Variants in PRKCA observed in about 807,000 individuals in gnomAD.
PRKCA encodes the protein protein kinase C alpha type.
A neutral mutation model predicts 87.0 loss-of-function variants in PRKCA; 27 were observed. That is an observed-to-expected ratio of 0.31 (90% confidence interval 0.23 to 0.43). PRKCA has a LOEUF of 0.43. Among genes scored for constraint, PRKCA ranks in the 20% least tolerant of loss-of-function variants. The pLI is 1.00. For synonymous variants in PRKCA, 329 were observed against 311.1 expected, an observed-to-expected ratio of 1.06 and a Z score of -0.61; for missense variants, 518 against 852.3, an observed-to-expected ratio of 0.61 and a Z score of 4.88.
intron 2 of PRKCA, among the ~76,000 whole-genome samples, chr17:66,347,885 C>T (rs1360225007): frequency 6.7e-6 from 1 of 149,212 alleles, no homozygotes; most frequent in Non-Finnish European, 1.5e-5. Context: ...CAGCCCTCAT[C>T]CCTGGAGTGT....
chr17:66,493,297 T>TTG (rs61513917), intron 2 of PRKCA, among the ~76,000 whole-genome samples: 11,874 of 143,058 alleles, frequency 0.083, 951 homozygotes, highest in African/African-American at 0.22. Context: ...GTAGGTATAT[T>TTG]TGTGTGTGTG....
At chr17:66,738,953 CTG>C in intron 11 of PRKCA, 98 bp downstream of exon 11, 1 of 935,852 alleles carries the variant, frequency 1.1e-6, no homozygotes, top group East Asian at 2.7e-5. Context: ...GGGTCTCACT[CTG>C]TCACTCAGGC....
At chr17:66,688,521 GGCT>G in intron 7 of PRKCA, 85 bp downstream of exon 7, 1 of 1,540,934 alleles carries the variant, frequency 6.5e-7, no homozygotes. Flanking sequence ...TGTCAGTTGA[GGCT>G]GGACATGGTG....
chr17:66,772,974 G>A (rs1310798386), intron 13 of PRKCA, among the ~76,000 whole-genome samples: 1 of 151,754 alleles, frequency 6.6e-6, no homozygotes, highest in Non-Finnish European at 1.5e-5. Flanking sequence ...TAACTGATAA[G>A]CACACTTTAA....
At chr17:66,794,004 G>C (rs1975606398) in intron 16 of PRKCA, among the ~76,000 whole-genome samples, 1 of 152,158 alleles carries the variant, frequency 6.6e-6, no homozygotes, top group Admixed American at 6.5e-5. Flanking sequence ...GGAGCATAAG[G>C]TTAATTGATT....
At chr17:66,306,590 A>C (rs1904828873) in intron 2 of PRKCA, among the ~76,000 whole-genome samples, 1 of 152,158 alleles carries the variant, frequency 6.6e-6, no homozygotes, top group South Asian at 2.1e-4. Context: ...CATCGAGAAC[A>C]AAGTTTGCAT....
chr17:66,576,964 T>G (rs1969258138), intron 3 of PRKCA, among the ~76,000 whole-genome samples: 1 of 148,560 alleles, frequency 6.7e-6, no homozygotes, highest in African/African-American at 2.5e-5. Context: ...AGCCTCCACC[T>G]CCCGGGCTCA....
intron 5 of PRKCA, among the ~76,000 whole-genome samples, chr17:66,649,390 G>A (rs1283054243): frequency 6.6e-6 from 1 of 152,198 alleles, no homozygotes; most frequent in Non-Finnish European, 1.5e-5. Context: ...TATATTTATT[G>A]TTCATAGGAC....
chr17:66,304,147 G>T (rs755668138), intron 1 of PRKCA, among the ~76,000 whole-genome samples: 2 of 152,194 alleles, frequency 1.3e-5, no homozygotes, highest in East Asian at 3.8e-4. Context: ...TCTTAACTCG[G>T]AGGGTCCCTG....
At chr17:66,694,767 TAAAAAAAAA>T (rs746908582) in intron 8 of PRKCA, among the ~76,000 whole-genome samples, 1 of 117,520 alleles carries the variant, frequency 8.5e-6, no homozygotes, top group Non-Finnish European at 1.7e-5. Flanking sequence ...TTCCAATGGT[TAAAAAAAAA>T]AAAAAAAAAA....
intron 3 of PRKCA, among the ~76,000 whole-genome samples, chr17:66,620,691 CAA>C (rs1970653170): frequency 6.6e-6 from 1 of 152,120 alleles, no homozygotes; most frequent in Non-Finnish European, 1.5e-5. Context: ...TCTAAGAAGT[CAA>C]AGTGAACACA....
At chr17:66,734,453 G>A (rs1973975772) in intron 9 of PRKCA, among the ~76,000 whole-genome samples, 1 of 152,200 alleles carries the variant, frequency 6.6e-6, no homozygotes, top group Admixed American at 6.5e-5. Flanking sequence ...CATTGCCATG[G>A]CATTTGTAAA....
intron 2 of PRKCA, among the ~76,000 whole-genome samples, chr17:66,344,262 C>T (rs11654719): frequency 0.5 from 76,082 of 152,154 alleles, 22,986 homozygotes; most frequent in Non-Finnish European, 0.66. Context: ...CCAAAATGAT[C>T]ATTCAGTCTC....
At position 66,801,385 on chromosome 17, in the gene PRKCA, G is replaced by A. The variant is rs1348462630; in HGVS notation, c.1855-2488G>A. Among the ~76,000 whole-genome samples the A allele has an allele frequency of 2.0e-5, 3 of 152,164 alleles. No individual in the cohort carries two copies. The East Asian group carries it at 5.8e-4, about 29-fold the overall frequency. On this transcript the variant is annotated intron_variant, in intron 16 of 16. Transcript: ENST00000413366. The stretch of plus-strand genomic sequence containing the variant: ...CACCCAAGTCATGATGACCAAAAAT[G>A]GGTTCCCTGGGGGAAGAATCATCCC...
intron 3 of PRKCA, among the ~76,000 whole-genome samples, chr17:66,523,065 G>A (rs1301202142): frequency 6.6e-6 from 1 of 152,178 alleles, no homozygotes; most frequent in Non-Finnish European, 1.5e-5. Context: ...TTTGTATACA[G>A]GAGAGAAGAC....
At chr17:66,312,113 C>T (rs2143146830) in intron 2 of PRKCA, among the ~76,000 whole-genome samples, 1 of 152,308 alleles carries the variant, frequency 6.6e-6, no homozygotes, top group Non-Finnish European at 1.5e-5. Flanking sequence ...TCCTGAATAG[C>T]TGGGATTACA....
intron 2 of PRKCA, among the ~76,000 whole-genome samples, chr17:66,394,257 C>A: frequency 6.6e-6 from 1 of 152,184 alleles, no homozygotes; most frequent in Non-Finnish European, 1.5e-5. Flanking sequence ...CTGTCCCAGG[C>A]CAGGATCGGA....
chr17:66,676,012 G>A (rs975075090), intron 5 of PRKCA, among the ~76,000 whole-genome samples: 15 of 152,108 alleles, frequency 9.9e-5, no homozygotes, highest in African/African-American at 2.7e-4. Context: ...AAGGGCGCTC[G>A]GTAAATCCTG....
chr17:66,351,158 G>T (rs1166181271), intron 2 of PRKCA, among the ~76,000 whole-genome samples: 1 of 152,220 alleles, frequency 6.6e-6, no homozygotes, highest in Non-Finnish European at 1.5e-5. Context: ...TGGGTATGCA[G>T]TGAATGTGGA....
Sources: allele counts gnomAD v4.1 joint callset (sites outside exome capture counted in the v4.1 genomes callset), GRCh38; gene constraint gnomAD v4.1.1; transcripts MANE v1.5; gene names NCBI Gene and HGNC (gene_info 2026-07-23, HGNC 2026-07-21).